The following DAB1 variants were observed in gnomAD, a reference collection of about 807,000 sequenced individuals.
DAB1 encodes DAB adaptor protein 1, also known as disabled homolog 1.
DAB1 carries 15 observed loss-of-function variants against 64.6 expected under a neutral mutation model. The observed-to-expected ratio is 0.23, with a 90% CI of 0.16 to 0.36. The LOEUF (loss-of-function observed/expected upper bound fraction) is 0.36. Ranked by LOEUF, DAB1 falls within the 10% of genes least tolerant of loss-of-function variation. The pLI is 1.00. For synonymous variants in DAB1, 235 were observed against 251.9 expected, an observed-to-expected ratio of 0.93 and a Z score of 0.64; for missense variants, 596 against 706.7, an observed-to-expected ratio of 0.84 and a Z score of 1.78.
rs139333852 is a variant in DAB1, at chr1:58,104,292, C to G, written n.387+46219G>C. Among the ~76,000 whole-genome samples the G allele has an allele frequency of 2.7e-3, 406 of 152,292 alleles. 1 individual carries two copies. Among genetic ancestry groups the G allele is most frequent in the Middle Eastern group, 0.014 (4 of 294 alleles). The stretch of plus-strand genomic sequence containing the variant: ...GGACAAGTCCTTTCAACTAGATTTT[C>G]AGACTTTGGAGGATTAAGGTGGAAA... On this transcript the variant is annotated intron_variant and non_coding_transcript_variant, in intron 5 of 20. Transcript: ENST00000485760.
chr1:58,286,656 A>T (rs993234801), intron 4 of DAB1, among the ~76,000 whole-genome samples: 2 of 152,264 alleles, frequency 1.3e-5, no homozygotes, highest in Non-Finnish European at 2.9e-5. Flanking sequence ...ATTATTAAAA[A>T]GTCAAGAAAT....
At chr1:58,099,846 G>A (rs767227564) in intron 5 of DAB1, among the ~76,000 whole-genome samples, 5 of 152,154 alleles carry the variant, frequency 3.3e-5, no homozygotes, top group Non-Finnish European at 7.3e-5. Context: ...CGTCCAGGAC[G>A]GGCTCAGTTT....
At chr1:57,249,549 T>C (rs971257581) in intron 2 of DAB1, among the ~76,000 whole-genome samples, 3 of 152,152 alleles carry the variant, frequency 2.0e-5, no homozygotes, top group Non-Finnish European at 4.4e-5. Flanking sequence ...TTTTTGTATT[T>C]TTGGTAGAGA....
intron 6 of DAB1, among the ~76,000 whole-genome samples, chr1:57,740,196 A>G (rs931088854): frequency 2.0e-5 from 3 of 152,214 alleles, no homozygotes; most frequent in Non-Finnish European, 1.5e-5. Context: ...CCTGGGTGGC[A>G]GAGCAAGATT....
intron 4 of DAB1, among the ~76,000 whole-genome samples, chr1:58,239,049 G>C (rs894977945): frequency 6.6e-6 from 1 of 152,182 alleles, no homozygotes. Flanking sequence ...TTGGCCATCT[G>C]TCCTGACATT....
intron 9 of DAB1, among the ~76,000 whole-genome samples, chr1:57,061,239 G>A (rs972765702): frequency 6.9e-6 from 1 of 144,382 alleles, no homozygotes; most frequent in African/African-American, 2.6e-5. Context: ...GGGGGGGGGG[G>A]GTGGTTTCAA....
At chr1:57,355,261 T>C (rs1178926314) in intron 1 of DAB1, among the ~76,000 whole-genome samples, 1 of 151,926 alleles carries the variant, frequency 6.6e-6, no homozygotes, top group African/African-American at 2.4e-5. Context: ...TTAAATTCCT[T>C]TCCTTCCTGG....
intron 3 of DAB1, among the ~76,000 whole-genome samples, chr1:58,378,093 CAA>C (rs1644347268): frequency 7.5e-6 from 1 of 133,322 alleles, no homozygotes; most frequent in African/African-American, 2.9e-5. Flanking sequence ...AAATTTTTTT[CAA>C]AGTTTTCAAC....
At chr1:57,369,412 C>A (rs757662417) in intron 1 of DAB1, among the ~76,000 whole-genome samples, 1 of 152,014 alleles carries the variant, frequency 6.6e-6, no homozygotes, top group Non-Finnish European at 1.5e-5. Flanking sequence ...CCCTATAGGC[C>A]CAAGTGTTTT....
intron 7 of DAB1, among the ~76,000 whole-genome samples, chr1:57,488,367 A>G (rs1255433171): frequency 6.9e-6 from 1 of 145,788 alleles, no homozygotes; most frequent in Non-Finnish European, 1.5e-5. Flanking sequence ...GTGCCACTGC[A>G]CTCCAGCCTG....
At chr1:58,224,961 C>T (rs535250887) in intron 4 of DAB1, among the ~76,000 whole-genome samples, 2 of 151,200 alleles carry the variant, frequency 1.3e-5, no homozygotes, top group African/African-American at 2.4e-5. Flanking sequence ...ATTGACAAAT[C>T]GGATCTAATT....
At chr1:57,302,256 C>A (rs1333491458) in intron 1 of DAB1, among the ~76,000 whole-genome samples, 1 of 152,012 alleles carries the variant, frequency 6.6e-6, no homozygotes, top group African/African-American at 2.4e-5. Flanking sequence ...CAAAGGATGT[C>A]TTTTTGTTGT....
At chr1:57,045,046 C>T (rs1648286854) in intron 9 of DAB1, among the ~76,000 whole-genome samples, 3 of 152,220 alleles carry the variant, frequency 2.0e-5, no homozygotes, top group African/African-American at 7.2e-5. Flanking sequence ...TGCCCAGGGT[C>T]ACACAGCTAG....
At chr1:57,092,461 G>C (rs1199617356) in intron 4 of DAB1, among the ~76,000 whole-genome samples, 2 of 151,932 alleles carry the variant, frequency 1.3e-5, no homozygotes, top group Non-Finnish European at 2.9e-5. Context: ...GAGATGTCAT[G>C]GTTTTATAAA....
At chr1:57,661,760 T>C (rs1161314393) in intron 6 of DAB1, among the ~76,000 whole-genome samples, 1 of 152,256 alleles carries the variant, frequency 6.6e-6, no homozygotes, top group East Asian at 1.9e-4. Flanking sequence ...ATGTAAATAG[T>C]TATGTTGTAT....
intron 5 of DAB1, among the ~76,000 whole-genome samples, chr1:57,900,229 T>C (rs972242881): frequency 1.3e-5 from 2 of 152,012 alleles, no homozygotes; most frequent in Non-Finnish European, 2.9e-5. Context: ...TAGGGGAAAA[T>C]TGCAGGCACT....
intron 4 of DAB1, among the ~76,000 whole-genome samples, chr1:58,180,817 G>A (rs555383843): frequency 1.3e-5 from 2 of 152,136 alleles, no homozygotes; most frequent in South Asian, 4.2e-4. Context: ...ATGCGATACT[G>A]GTTTTGTTGG....
chr1:57,210,075 T>A (rs369683769), intron 2 of DAB1, among the ~76,000 whole-genome samples: 273 of 152,294 alleles, frequency 1.8e-3, no homozygotes, highest in African/African-American at 6.5e-3. Flanking sequence ...AATGCCTAAC[T>A]TCTAGGATTA....
At chr1:57,927,931 C>T (rs1014868397) in intron 5 of DAB1, among the ~76,000 whole-genome samples, 11 of 152,230 alleles carry the variant, frequency 7.2e-5, no homozygotes, top group African/African-American at 2.2e-4. Flanking sequence ...CTCATCTATC[C>T]AATCTCTATT....
Sources: gnomAD v4.1 joint callset for allele counts (sites outside exome capture counted in the v4.1 genomes callset) on GRCh38, gnomAD v4.1.1 for gene constraint, MANE v1.5 for transcripts, NCBI Gene and HGNC (gene_info 2026-07-23, HGNC 2026-07-21) for gene names.